Variants in HK1 observed in about 807,000 individuals in gnomAD.
HK1 encodes hexokinase 1, also known as hexokinase-1.
Under a neutral mutation model 91.6 loss-of-function variants are expected in HK1, and 28 were observed. The ratio of observed to expected loss-of-function variants is 0.31; its 90% CI spans 0.23 to 0.42. HK1 has a LOEUF of 0.42. HK1 is among the 10% of genes least tolerant of loss of function. The pLI, the probability that HK1 is intolerant of heterozygous loss-of-function variation, is 1.00. For missense variants in HK1, 770 were observed against 1,219.8 expected (o/e 0.63, Z 5.49); for synonymous variants, 430 against 468.1 (o/e 0.92, Z 1.05).
chr10:69,305,004 G>T (rs1161925168), intron 5 of HK1, among the ~76,000 whole-genome samples: 9 of 152,108 alleles, frequency 5.9e-5, no homozygotes, highest in Non-Finnish European at 1.3e-4. Context: ...GGCCCCAAGC[G>T]TTCCTTGGCT....
At chr10:69,272,911 T>C (rs535960488) in intron 1 of HK1, among the ~76,000 whole-genome samples, 10 of 152,004 alleles carry the variant, frequency 6.6e-5, no homozygotes, top group Non-Finnish European at 1.5e-5. Flanking sequence ...GAAATTCCAA[T>C]ATGCAAACAT....
intron 5 of HK1, chr10:69,300,930 AG>A: frequency 1.2e-6 from 1 of 855,358 alleles, no homozygotes; most frequent in Non-Finnish European, 2.0e-6. Context: ...GCAAGGTTAT[AG>A]GATACAAGGT....
chr10:69,335,147 A>G (rs1847914618), intron 1 of HK1, among the ~76,000 whole-genome samples: 1 of 152,104 alleles, frequency 6.6e-6, no homozygotes, highest in African/African-American at 2.4e-5. Flanking sequence ...CAGGACAGAA[A>G]CTAGGTTCCC....
chr10:69,392,335 T>C lies in HK1; in HGVS notation c.2219+27T>C, dbSNP rs2278745. On this transcript the variant is annotated intron_variant, in intron 15 of 17. Coordinates refer to ENST00000359426, the MANE Select transcript of HK1 (RefSeq NM_000188.3). Reference sequence around the variant, plus strand: ...TAACCCCGCCTGGTGGAGAGGACACTCACAGTCAGGGTGGGGGCAGCACTT... The same window carrying C: ...TAACCCCGCCTGGTGGAGAGGACACCCACAGTCAGGGTGGGGGCAGCACTT... 0.54 allele frequency: 865,690 copies of C among 1,612,398 alleles called. 235,082 individuals carry two copies. Among genetic ancestry groups the C allele is most frequent in the Admixed American group, 0.68 (40,485 of 59,960 alleles).
At chr10:69,345,160 T>C (rs1848487401) in intron 2 of HK1, among the ~76,000 whole-genome samples, 1 of 152,054 alleles carries the variant, frequency 6.6e-6, no homozygotes, top group Admixed American at 6.6e-5. Context: ...TGAATGAGAT[T>C]TGGACGCTGA....
chr10:69,367,410 A>C (rs1849763900), intron 4 of HK1, among the ~76,000 whole-genome samples: 1 of 152,218 alleles, frequency 6.6e-6, no homozygotes, highest in Non-Finnish European at 1.5e-5. Context: ...ACTGCCCAGC[A>C]GGAAATGGGC....
chr10:69,350,259 G>A (rs1478600174), intron 2 of HK1, among the ~76,000 whole-genome samples: 1 of 152,242 alleles, frequency 6.6e-6, no homozygotes, highest in Non-Finnish European at 1.5e-5. Context: ...TGGAGCTGGA[G>A]TGGGGATTCA....
chr10:69,379,937 C>T lies in HK1; in HGVS notation c.1107C>T (p.Val369=). 1.2e-6 allele frequency: 2 copies of T among 1,614,222 alleles called. No individual in the cohort carries two copies. Among genetic ancestry groups the T allele is most frequent in the Non-Finnish European group, 1.7e-6 (2 of 1,180,024 alleles). The change falls in exon 9 of 18, where the codon GTC becomes GTT. Residue 369 remains valine, a synonymous_variant. Coordinates refer to ENST00000359426, the MANE Select transcript of HK1 (RefSeq NM_000188.3). ...LGVEPSDDDC[V]SVQHVCTIVS... is the part of the protein sequence containing the mutation. ...TGGAGCCGTCCGATGATGACTGTGT[C>T]TCAGTCCAGCACGTTTGCACCATTG...
chr10:69,326,058 A>T (rs1298078703), intron 1 of HK1, among the ~76,000 whole-genome samples: 1 of 149,664 alleles, frequency 6.7e-6, no homozygotes, highest in Non-Finnish European at 1.5e-5. Context: ...CTGGTCTTGA[A>T]TTCCTGACCT....
chr10:69,350,572 G>T (rs1357000197), intron 2 of HK1, among the ~76,000 whole-genome samples: 2 of 152,052 alleles, frequency 1.3e-5, no homozygotes, highest in Non-Finnish European at 2.9e-5. Flanking sequence ...TGAGGCAGGA[G>T]AATTGCTTGA....
rs559137069 is a variant in HK1, at chr10:69,379,992, G to A, written c.1162G>A (p.Ala388Thr). ...VSFRSANLVA[A>T]TLGAILNRLR... ...ATTTCGCTCAGCCAACTTGGTGGCTGCCACACTGGGCGCCATCTTGAACCG... is the reference window on the plus strand; with the variant it reads ...ATTTCGCTCAGCCAACTTGGTGGCTACCACACTGGGCGCCATCTTGAACCG... The change falls in exon 9 of 18, where the codon GCC (alanine) becomes ACC (threonine). Residue 388 changes from alanine to threonine, a missense_variant. Physicochemically the swap from Ala to Thr is moderately conservative, Grantham distance 58 (BLOSUM62 0). Transcript: ENST00000359426. The A allele has an allele frequency of 3.7e-6, 6 of 1,614,184 alleles. No individual in the cohort carries two copies. Among genetic ancestry groups the A allele is most frequent in the South Asian group, 3.3e-5 (3 of 91,088 alleles).
chr10:69,276,704 T>C (rs918597598), intron 1 of HK1, among the ~76,000 whole-genome samples: 1 of 150,722 alleles, frequency 6.6e-6, no homozygotes, highest in African/African-American at 2.4e-5. Context: ...TTTTAAATGA[T>C]TAAAATTATT....
intron 7 of HK1, among the ~76,000 whole-genome samples, chr10:69,375,479 C>T (rs1018469013): frequency 2.6e-5 from 4 of 152,140 alleles, no homozygotes; most frequent in African/African-American, 9.7e-5. Flanking sequence ...GCCAGGGATC[C>T]TCTGCCTGGC....
At chr10:69,327,773 G>C (rs1222267680) in intron 1 of HK1, among the ~76,000 whole-genome samples, 1 of 152,194 alleles carries the variant, frequency 6.6e-6, no homozygotes. Flanking sequence ...GTTTTAGTCT[G>C]TTTCCTTCCT....
chr10:69,276,112 A>T (rs376163223), intron 1 of HK1, among the ~76,000 whole-genome samples: 1,955 of 41,908 alleles, frequency 0.047, 120 homozygotes, highest in East Asian at 0.092. Flanking sequence ...AAAAAAAAAA[A>T]AAAAAAATAC....
At chr10:69,308,248 G>A (rs146469488) in intron 5 of HK1, among the ~76,000 whole-genome samples, 1 of 152,182 alleles carries the variant, frequency 6.6e-6, no homozygotes, top group Non-Finnish European at 1.5e-5. Context: ...GGATGGTTTC[G>A]GGGTGAAACT....
intron 2 of HK1, among the ~76,000 whole-genome samples, chr10:69,283,314 C>T (rs922867968): frequency 2.0e-5 from 3 of 147,420 alleles, no homozygotes; most frequent in Admixed American, 6.8e-5. Context: ...ATTAGCCTGA[C>T]GTGGTGGTGC....
At chr10:69,280,981 C>A (rs1173651045) in intron 1 of HK1, among the ~76,000 whole-genome samples, 1 of 152,210 alleles carries the variant, frequency 6.6e-6, no homozygotes, top group African/African-American at 2.4e-5. Context: ...CTTTATCAAA[C>A]AACCTGTCCT....
At chr10:69,323,148 A>G (rs1847141928) in intron 1 of HK1, among the ~76,000 whole-genome samples, 1 of 151,326 alleles carries the variant, frequency 6.6e-6, no homozygotes, top group Admixed American at 6.6e-5. Context: ...CGGGAGGCTG[A>G]GGCAGGAGAA....
Sources: allele counts gnomAD v4.1 joint callset (sites outside exome capture counted in the v4.1 genomes callset), GRCh38; gene constraint gnomAD v4.1.1; transcripts MANE v1.5; gene names NCBI Gene and HGNC (gene_info 2026-07-23, HGNC 2026-07-21).